The following SRGAP3 variants were observed in gnomAD, a reference collection of about 807,000 sequenced individuals.
SRGAP3 encodes SLIT-ROBO Rho GTPase activating protein 3.
In SRGAP3, 39 loss-of-function variants were observed where a neutral mutation model predicts 121.1. The ratio of observed to expected loss-of-function variants is 0.32; its 90% CI spans 0.25 to 0.42. SRGAP3 has a LOEUF of 0.42. Among genes scored for constraint, SRGAP3 ranks in the 10% least tolerant of loss-of-function variants. The probability of loss-of-function intolerance (pLI) is 1.00; values close to 1 mark genes in which losing one functional copy is unlikely to be tolerated. For missense variants in SRGAP3, 1,213 were observed against 1,470.6 expected, an observed-to-expected ratio of 0.82 and a Z score of 2.86; for synonymous variants, 601 against 570.0, an observed-to-expected ratio of 1.05 and a Z score of -0.77.
At chr3:9,310,756 A>G (rs1455239900) in intron 3 of SRGAP3, among the ~76,000 whole-genome samples, 1 of 152,198 alleles carries the variant, frequency 6.6e-6, no homozygotes, top group East Asian at 1.9e-4. Context: ...GGTCAACTCA[A>G]ACCTCACCTG....
Position 8,983,520 on chromosome 3 carries a change from C to T in SRGAP3, c.*1999G>A, listed in dbSNP as rs74662594. On this transcript the variant is annotated 3_prime_UTR_variant, in exon 22 of 22. Coordinates refer to ENST00000383836, the MANE Select transcript of SRGAP3 (RefSeq NM_014850.4). The stretch of plus-strand genomic sequence containing the variant: ...CTCCCTTTGGGTGTATTTACCTTTT[C>T]GCGGGGGACCAGAGGAGAGGGCACC... 2.5e-3 allele frequency: 567 copies of T among 229,838 alleles called. 5 individuals carry two copies. The highest frequency in any genetic ancestry group is 0.011 in the African/African-American group (492 of 45,186). The allele number at this position is 229,838 out of a possible 1,614,324, so 14.2% of individuals were successfully genotyped here.
At chr3:9,122,953 T>C (rs928655975) in intron 2 of SRGAP3, among the ~76,000 whole-genome samples, 10 of 152,244 alleles carry the variant, frequency 6.6e-5, no homozygotes, top group African/African-American at 1.9e-4. Context: ...CACCAACAGA[T>C]GACCAAACAA....
chr3:9,324,760 A>G (rs1955490170), intron 3 of SRGAP3, among the ~76,000 whole-genome samples: 1 of 151,768 alleles, frequency 6.6e-6, no homozygotes, highest in Non-Finnish European at 1.5e-5. Flanking sequence ...GATCGAGACC[A>G]TCCTGGCTAA....
chr3:9,178,220 A>T (rs1300095053), intron 1 of SRGAP3, among the ~76,000 whole-genome samples: 1 of 152,136 alleles, frequency 6.6e-6, no homozygotes, highest in Non-Finnish European at 1.5e-5. Flanking sequence ...GTGAGCTGAG[A>T]TCATGCCACT....
At chr3:9,224,599 C>T (rs181512053) in intron 1 of SRGAP3, among the ~76,000 whole-genome samples, 4 of 152,214 alleles carry the variant, frequency 2.6e-5, no homozygotes, top group Admixed American at 1.3e-4. Context: ...CAAGAAAGGG[C>T]GAGTCCTTAA....
At chr3:9,083,731 A>C (rs1471335644) in intron 3 of SRGAP3, among the ~76,000 whole-genome samples, 1 of 152,136 alleles carries the variant, frequency 6.6e-6, no homozygotes, top group African/African-American at 2.4e-5. Context: ...CCCATCCTAG[A>C]GGCAGTTCTG....
chr3:9,291,616 A>G (rs1028110433), intron 3 of SRGAP3, among the ~76,000 whole-genome samples: 2 of 151,916 alleles, frequency 1.3e-5, no homozygotes, highest in Non-Finnish European at 1.5e-5. Context: ...ACACACACAC[A>G]CACACACACA....
intron 2 of SRGAP3, among the ~76,000 whole-genome samples, chr3:9,121,728 C>G (rs183018268): frequency 6.6e-6 from 1 of 152,234 alleles, no homozygotes; most frequent in Non-Finnish European, 1.5e-5. Context: ...CAATCCCTGC[C>G]TTTCTCCTCT....
At chr3:9,118,299 T>C (rs1444804605) in intron 2 of SRGAP3, among the ~76,000 whole-genome samples, 1 of 152,208 alleles carries the variant, frequency 6.6e-6, no homozygotes, top group African/African-American at 2.4e-5. Flanking sequence ...TCTCAAAGTA[T>C]TGGTGTTTTA....
At chr3:9,289,004 C>T (rs918457118) in intron 3 of SRGAP3, among the ~76,000 whole-genome samples, 3 of 152,154 alleles carry the variant, frequency 2.0e-5, no homozygotes, top group African/African-American at 7.2e-5. Flanking sequence ...TCAAGCGATT[C>T]TCCTGCCTCA....
intron 4 of SRGAP3, among the ~76,000 whole-genome samples, chr3:9,065,858 C>A (rs757123965): frequency 7.2e-5 from 11 of 152,110 alleles, no homozygotes; most frequent in Non-Finnish European, 1.6e-4. Context: ...AATACCCAGG[C>A]GTGGGATGGA....
chr3:9,240,426 A>G (rs1034485749), intron 1 of SRGAP3, among the ~76,000 whole-genome samples: 2 of 152,114 alleles, frequency 1.3e-5, no homozygotes, highest in African/African-American at 4.8e-5. Context: ...ACTCAATTTC[A>G]GGAGGCAGCC....
intron 1 of SRGAP3, among the ~76,000 whole-genome samples, chr3:9,146,942 G>A (rs1950046604): frequency 6.6e-6 from 1 of 152,206 alleles, no homozygotes; most frequent in East Asian, 1.9e-4. Context: ...TAGGCTATGA[G>A]TGGCAGAAAT....
intron 4 of SRGAP3, among the ~76,000 whole-genome samples, 162 bp downstream of exon 4, chr3:9,079,863 G>A (rs1044581554): frequency 1.1e-4 from 17 of 152,230 alleles, no homozygotes; most frequent in Non-Finnish European, 2.4e-4. Flanking sequence ...AGCTGGGGCT[G>A]TGAGTCATTA....
chr3:9,339,253 C>T (rs2125289270), intron 1 of SRGAP3, among the ~76,000 whole-genome samples: 1 of 152,350 alleles, frequency 6.6e-6, no homozygotes, highest in African/African-American at 2.4e-5. Context: ...TACATACCTT[C>T]ATTCAGCAAA....
intron 1 of SRGAP3, among the ~76,000 whole-genome samples, chr3:9,221,461 T>C (rs1215304065): frequency 2.0e-5 from 3 of 152,158 alleles, no homozygotes; most frequent in Non-Finnish European, 4.4e-5. Context: ...TGCTTGACCC[T>C]TGGAGTTCAA....
In SRGAP3 at chr3:9,103,487, T is replaced by G. The variant is rs1027198966; in HGVS notation, c.423+1193A>C. ...ATCACCATTTCACAAATGAGGAAAC[T>G]GAGGCACAGAGCATTGAAGTAACAA... is the stretch of plus-strand genomic sequence containing the variant. On this transcript the variant is annotated intron_variant, in intron 3 of 21. Transcript: ENST00000383836. 2.0e-5 allele frequency among the ~76,000 whole-genome samples: 3 copies of G among 152,146 alleles called. No homozygotes were observed. In the East Asian group the frequency reaches 5.8e-4, roughly 29 times the overall value.
chr3:9,338,267 A>T (rs1039650846), intron 1 of SRGAP3, among the ~76,000 whole-genome samples: 1 of 152,158 alleles, frequency 6.6e-6, no homozygotes, highest in African/African-American at 2.4e-5. Context: ...GATTCTAAAT[A>T]AAAAAAGAGT....
intron 1 of SRGAP3, among the ~76,000 whole-genome samples, chr3:9,135,278 C>T (rs1252438872): frequency 6.6e-6 from 1 of 152,204 alleles, no homozygotes; most frequent in Non-Finnish European, 1.5e-5. Flanking sequence ...CATTTCTCAT[C>T]TCCTTAAATG....
Sources: allele counts gnomAD v4.1 joint callset (sites outside exome capture counted in the v4.1 genomes callset), GRCh38; gene constraint gnomAD v4.1.1; transcripts MANE v1.5; gene names NCBI Gene and HGNC (gene_info 2026-07-23, HGNC 2026-07-21).